The following ADAM28 variants were observed in gnomAD, a reference collection of about 807,000 sequenced individuals.
The protein encoded by ADAM28 is ADAM metallopeptidase domain 28.
Under a neutral mutation model 101.2 loss-of-function variants are expected in ADAM28, and 105 were observed. The observed-to-expected ratio is 1.04, with a 90% confidence interval of 0.89 to 1.22. The LOEUF is 1.22. ADAM28 is among the 50% of genes most tolerant of loss of function. The probability of loss-of-function intolerance (pLI) is 0.00; values close to 1 mark genes in which losing one functional copy is unlikely to be tolerated. For missense variants in ADAM28, 1,028 were observed against 945.4 expected (o/e 1.09, Z -1.15); for synonymous variants, 322 against 310.6 (o/e 1.04, Z -0.39).
chr8:24,348,294 C>G (rs1279799802), intron 18 of ADAM28, among the ~76,000 whole-genome samples: 6 of 152,144 alleles, frequency 3.9e-5, no homozygotes, highest in Non-Finnish European at 4.4e-5. Context: ...AAAGAACAGA[C>G]AGTTGACATA....
chr8:24,355,629 C>T lies in ADAM28; in HGVS notation c.*1225C>T, dbSNP rs977053603. On this transcript the variant is annotated 3_prime_UTR_variant, in exon 23 of 23. Coordinates refer to ENST00000265769, the MANE Select transcript of ADAM28 (RefSeq NM_014265.6). ...CATCTGAATACTCTAGCTGGTACTG[C>T]TGCGCTCCACACGGTGATTATGAAG... is the stretch of plus-strand genomic sequence containing the variant. The T allele has an allele frequency of 1.3e-5, 2 of 148,814 alleles. No homozygotes were observed. The highest frequency in any genetic ancestry group is 5.0e-5 in the African/African-American group (2 of 40,216). The allele number at this position is 148,814 out of a possible 1,614,324, so 9.2% of individuals were successfully genotyped here. A position where few individuals can be genotyped will look rare whatever the true frequency, so the allele number is the denominator to read the frequency against.
chr8:24,328,314 G>C (rs769315234), intron 10 of ADAM28, among the ~76,000 whole-genome samples: 11 of 151,874 alleles, frequency 7.2e-5, no homozygotes, highest in Non-Finnish European at 1.3e-4. Flanking sequence ...TTCAAGGGAA[G>C]TTATAGTTGT....
rs1011294056 is a variant in ADAM28 at position 24,336,778 on chromosome 8, GA to G, written c.1567+1146del. ...GGTCAGAGGATACAAAATTTAAGTT[GA>G]AAAAAAAAGGCAAGTTTTTAAAAAC... On this transcript the variant is annotated intron_variant, in intron 14 of 22. Coordinates refer to ENST00000265769, the MANE Select transcript of ADAM28 (RefSeq NM_014265.6). Among the ~76,000 whole-genome samples the G allele has an allele frequency of 4.7e-5, 7 of 149,016 alleles. No individual in the cohort carries two copies. The East Asian group carries it at 7.9e-4, about 17-fold the overall frequency.
intron 10 of ADAM28, among the ~76,000 whole-genome samples, chr8:24,327,620 T>G (rs1310872200): frequency 1.3e-5 from 2 of 152,136 alleles, no homozygotes; most frequent in Non-Finnish European, 2.9e-5. Flanking sequence ...GGCATCACAC[T>G]GCCTGACTTC....
chr8:24,298,243 A>AT (rs972143261), intron 1 of ADAM28, among the ~76,000 whole-genome samples: 3 of 151,538 alleles, frequency 2.0e-5, no homozygotes, highest in African/African-American at 7.3e-5. Flanking sequence ...GTAATTTTGA[A>AT]TTTTTTTTTA....
intron 5 of ADAM28, among the ~76,000 whole-genome samples, chr8:24,312,150 A>AT (rs1810548032): frequency 6.6e-6 from 1 of 152,154 alleles, no homozygotes; most frequent in Non-Finnish European, 1.5e-5. Flanking sequence ...TATATATAGT[A>AT]ATCTATAGTA....
intron 21 of ADAM28, among the ~76,000 whole-genome samples, chr8:24,352,336 A>AATATCT (rs1379560595): frequency 3.3e-5 from 5 of 152,218 alleles, no homozygotes; most frequent in Non-Finnish European, 5.9e-5. Flanking sequence ...ACATAGATTG[A>AATATCT]GTGGCTTAAA....
At chr8:24,335,769 A>G in intron 14 of ADAM28, 128 bp downstream of exon 14, 1 of 1,312,040 alleles carries the variant, frequency 7.6e-7, no homozygotes, top group East Asian at 2.9e-5. Flanking sequence ...AAATCATGGA[A>G]AGGTTTTAAG....
chr8:24,294,069 A>T lies in ADAM28; in HGVS notation c.-81A>T, dbSNP rs1585460840. On this transcript the variant is annotated 5_prime_UTR_variant, in exon 1 of 23. Coordinates refer to ENST00000265769, the MANE Select transcript of ADAM28 (RefSeq NM_014265.6). ...GAACCAGGGAGTTTCATTCTGTCTCACTGGAGAGGAGGCAGGGACAGACCC... is the reference window on the plus strand; with the variant it reads ...GAACCAGGGAGTTTCATTCTGTCTCTCTGGAGAGGAGGCAGGGACAGACCC... 6.9e-7 allele frequency: 1 copy of T among 1,441,272 alleles called. No individual in the cohort carries two copies. Among genetic ancestry groups the T allele is most frequent in the East Asian group, 2.3e-5 (1 of 43,956 alleles). The allele number at this position is 1,441,272 out of a possible 1,614,324, so 89.3% of individuals were successfully genotyped here.
intron 2 of ADAM28, among the ~76,000 whole-genome samples, chr8:24,305,400 G>A (rs1369542347): frequency 7.1e-6 from 1 of 141,838 alleles, no homozygotes; most frequent in African/African-American, 2.6e-5. Flanking sequence ...GAGAGCAAGT[G>A]TAACCTTCAC....
intron 2 of ADAM28, chr8:24,308,717 C>T (rs763223481): frequency 6.6e-6 from 3 of 455,998 alleles, no homozygotes; most frequent in Non-Finnish European, 1.3e-5. Context: ...AAATTTATAG[C>T]CTGGGATTAC....
chr8:24,338,065 A>G (rs966710533), intron 14 of ADAM28, among the ~76,000 whole-genome samples: 5 of 152,212 alleles, frequency 3.3e-5, no homozygotes, highest in African/African-American at 9.6e-5. Flanking sequence ...ACAAGTTAGC[A>G]TCATCTTTAC....
In ADAM28 at chr8:24,356,544, T is replaced by A. The variant is rs1416744211; in HGVS notation, c.*2140T>A. The A allele has an allele frequency of 1.3e-5, 2 of 152,184 alleles. No homozygotes were observed. Among genetic ancestry groups the A allele is most frequent in the Non-Finnish European group, 2.9e-5 (2 of 68,032 alleles). The allele number at this position is 152,184 out of a possible 1,614,324, so 9.4% of individuals were successfully genotyped here. ...GTACAATGACAGGAAAACCATTATT[T>A]TATCATAGAACTGCGAACCCAAGTC... On this transcript the variant is annotated 3_prime_UTR_variant, in exon 23 of 23. Transcript: ENST00000265769.
At chr8:24,314,686 A>T (rs1173289423) in intron 6 of ADAM28, among the ~76,000 whole-genome samples, 5 of 152,018 alleles carry the variant, frequency 3.3e-5, no homozygotes, top group Non-Finnish European at 7.4e-5. Context: ...TGCTCTGTAG[A>T]TCACATATAT....
intron 2 of ADAM28, among the ~76,000 whole-genome samples, chr8:24,304,463 C>G (rs1475663674): frequency 6.6e-6 from 1 of 151,870 alleles, no homozygotes; most frequent in East Asian, 1.9e-4. Context: ...CAAACATAAA[C>G]CTTACGTTTC....
At position 24,356,022 on chromosome 8, in the gene ADAM28, A is replaced by G. The variant is rs987164088; in HGVS notation, c.*1618A>G. ...TTTATGGTTCATTTACCCTTGCAGT[A>G]TGAGGTTCTAGATAAGCCCACTCTG... On this transcript the variant is annotated 3_prime_UTR_variant, in exon 23 of 23. Coordinates refer to ENST00000265769, the MANE Select transcript of ADAM28 (RefSeq NM_014265.6). 9.9e-5 allele frequency: 15 copies of G among 152,260 alleles called. No individual in the cohort carries two copies. The highest frequency in any genetic ancestry group is 3.6e-4 in the African/African-American group (15 of 41,564). 9.4% of individuals were successfully genotyped at this position (152,260 alleles called of 1,614,324 possible).
chr8:24,311,428 G>A lies in ADAM28; in HGVS notation c.374G>A (p.Arg125Lys). 5.0e-6 allele frequency: 8 copies of A among 1,612,534 alleles called. No individual in the cohort carries two copies. Among genetic ancestry groups the A allele is most frequent in the Non-Finnish European group, 6.8e-6 (8 of 1,179,200 alleles). Residue 125 changes from arginine to lysine, a missense_variant, in exon 5 of 23, where the codon AGG (arginine) becomes AAG (lysine). Coordinates refer to ENST00000265769, the MANE Select transcript of ADAM28 (RefSeq NM_014265.6). ...TCTGACGCTAGCATCAGCACATGTA[G>A]GGGTCTAAGGTAAGACTTCAGGAAT... Reference protein sequence around the residue: ...KVSDASISTCRGLRGYFSQGD... With the variant: ...KVSDASISTCKGLRGYFSQGD...
rs1178588197 is a variant in ADAM28, at chr8:24,356,376, G to T, written c.*1972G>T. On this transcript the variant is annotated 3_prime_UTR_variant, in exon 23 of 23. Coordinates refer to ENST00000265769, the MANE Select transcript of ADAM28 (RefSeq NM_014265.6). ...TCTTAAATCTATGAATCCTCAACTA[G>T]CCATGTACCATAACCCAAGCAAAAA... is the stretch of plus-strand genomic sequence containing the variant. The T allele has an allele frequency of 1.3e-5, 2 of 152,030 alleles. No homozygotes were observed. Among genetic ancestry groups the T allele is most frequent in the African/African-American group, 2.4e-5 (1 of 41,412 alleles). 9.4% of individuals were successfully genotyped at this position (152,030 alleles called of 1,614,324 possible).
At position 24,355,839 on chromosome 8, in the gene ADAM28, A is replaced by G. The variant is rs1816648828; in HGVS notation, c.*1435A>G. On this transcript the variant is annotated 3_prime_UTR_variant, in exon 23 of 23. Transcript: ENST00000265769. Reference sequence around the variant, plus strand: ...TTGAATTGGATTTTCTCTCACTTTCAACAGAGATCATCCTAACTAGTAAAG... The same window carrying G: ...TTGAATTGGATTTTCTCTCACTTTCGACAGAGATCATCCTAACTAGTAAAG... The G allele has an allele frequency of 6.6e-6, 1 of 152,144 alleles. No homozygotes were observed. Among genetic ancestry groups the G allele is most frequent in the Admixed American group, 6.6e-5 (1 of 15,264 alleles). The allele number at this position is 152,144 out of a possible 1,614,324, so 9.4% of individuals were successfully genotyped here.
Sources: allele counts gnomAD v4.1 joint callset (sites outside exome capture counted in the v4.1 genomes callset), GRCh38; gene constraint gnomAD v4.1.1; transcripts MANE v1.5; gene names NCBI Gene and HGNC (gene_info 2026-07-23, HGNC 2026-07-21).